The following CRYZ variants were observed in gnomAD, a reference collection of about 807,000 sequenced individuals.
The protein encoded by CRYZ is zeta-crystallin.
In CRYZ, 35 loss-of-function variants were observed where a neutral mutation model predicts 34.1. The observed-to-expected ratio is 1.03, with a 90% CI of 0.78 to 1.36. The LOEUF (loss-of-function observed/expected upper bound fraction) is 1.36. Among genes scored for constraint, CRYZ ranks in the 40% most tolerant of loss-of-function variants. The pLI, the probability that CRYZ is intolerant of heterozygous loss-of-function variation, is 0.00. For synonymous variants in CRYZ, 137 were observed against 136.5 expected (o/e 1.00, Z -0.03); for missense variants, 403 against 391.8 (o/e 1.03, Z -0.24).
At chr1:74,721,596 G>A (rs985833351) in intron 3 of CRYZ, among the ~76,000 whole-genome samples, 4 of 152,156 alleles carry the variant, frequency 2.6e-5, no homozygotes, top group Admixed American at 6.6e-5. Flanking sequence ...TTCAGGTCAG[G>A]GGTATAGTTA....
intron 1 of CRYZ, 60 bp from the exon 2 acceptor site, chr1:74,724,894 TC>T (rs1647258271): frequency 1.3e-5 from 13 of 1,014,300 alleles, no homozygotes; most frequent in Admixed American, 6.3e-5. Flanking sequence ...ACCATGTTTT[TC>T]CCCCCTGGAG....
chr1:74,710,837 C>T (rs1445272802), intron 5 of CRYZ, among the ~76,000 whole-genome samples: 3 of 151,946 alleles, frequency 2.0e-5, no homozygotes, highest in Non-Finnish European at 2.9e-5. Flanking sequence ...AACTTATATT[C>T]TAAGGGTGGA....
At chr1:74,727,108 A>G (rs1557734268) in intron 1 of CRYZ, among the ~76,000 whole-genome samples, 1 of 151,602 alleles carries the variant, frequency 6.6e-6, no homozygotes, top group African/African-American at 2.4e-5. Flanking sequence ...CTGTCTTCTG[A>G]GCCCTCCAAA....
intron 4 of CRYZ, among the ~76,000 whole-genome samples, chr1:74,717,603 T>A (rs1647095696): frequency 6.6e-6 from 1 of 152,204 alleles, no homozygotes; most frequent in South Asian, 2.1e-4. Context: ...CAAGTAATTC[T>A]TACCACACCC....
chr1:74,708,460 GT>G (rs1646959616), intron 6 of CRYZ: 1 of 152,098 alleles, frequency 6.6e-6, no homozygotes, highest in Admixed American at 6.6e-5. Flanking sequence ...AGATAAAAGG[GT>G]GTATTAGCTC....
Position 74,733,002 on chromosome 1 carries a change from C to T in CRYZ, c.-60G>A. 1 of 526,412 alleles carries T rather than the reference C, an allele frequency of 1.9e-6. No individual in the cohort carries two copies. 32.6% of individuals were successfully genotyped at this position (526,412 alleles called of 1,614,324 possible). ...AAATCTGCGTGGGCTTCTTCAGATT[C>T]CACAGAAATGAGGACTGCCACACCT... On this transcript the variant is annotated 5_prime_UTR_variant, in exon 1 of 9. Coordinates refer to ENST00000340866, the MANE Select transcript of CRYZ (RefSeq NM_001889.4).
intron 4 of CRYZ, among the ~76,000 whole-genome samples, chr1:74,717,894 T>C (rs1219338054): frequency 6.6e-6 from 1 of 152,202 alleles, no homozygotes; most frequent in African/African-American, 2.4e-5. Flanking sequence ...CTCACTCCAG[T>C]GTTCTCACTC....
intron 6 of CRYZ, chr1:74,707,446 G>A: frequency 3.8e-6 from 1 of 261,558 alleles, no homozygotes; most frequent in Non-Finnish European, 7.1e-6. Flanking sequence ...GTGAAATAAA[G>A]TTTGTCTGGA....
intron 3 of CRYZ, among the ~76,000 whole-genome samples, chr1:74,720,756 A>G (rs1647149074): frequency 6.6e-6 from 1 of 152,170 alleles, no homozygotes; most frequent in Non-Finnish European, 1.5e-5. Flanking sequence ...TGTTGAATTG[A>G]TTTCAATATA....
At position 74,710,178 on chromosome 1, in the gene CRYZ, C is replaced by T; in HGVS notation, c.550G>A (p.Glu184Lys). Residue 184 changes from glutamate to lysine, a missense_variant, in exon 6 of 9, where the codon GAA (glutamate) becomes AAA (lysine). By Grantham distance (56) the Glu-to-Lys change is moderately conservative. Transcript: ENST00000340866. ...LKILGTAGTEEGQKIVLQNGA... is the reference protein window; with the variant it reads ...LKILGTAGTEKGQKIVLQNGA... ...TTTTGCAAAACAATCTTTTGTCCTT[C>T]CTCAGTACCAGCAGTGCCCAAAATC... 1 of 1,613,898 alleles carries T rather than the reference C, an allele frequency of 6.2e-7. No individual in the cohort carries two copies. Among genetic ancestry groups the T allele is most frequent in the Non-Finnish European group, 8.5e-7 (1 of 1,179,842 alleles).
intron 1 of CRYZ, among the ~76,000 whole-genome samples, chr1:74,732,586 C>T (rs1431668719): frequency 2.3e-5 from 1 of 43,098 alleles, no homozygotes; most frequent in East Asian, 7.4e-4. Context: ...AAAAATCAAG[C>T]GGGTGACTGG....
chr1:74,715,823 G>A (rs1043015261), intron 4 of CRYZ, among the ~76,000 whole-genome samples: 5 of 152,032 alleles, frequency 3.3e-5, no homozygotes, highest in South Asian at 2.1e-4. Context: ...GCACAGAGTC[G>A]CTGTGACAGT....
rs1234662736 is a variant in CRYZ, at chr1:74,706,318, C to G, written c.968G>C (p.Gly323Ala). The change falls in exon 9 of 9, where the codon GGA becomes GCA. Residue 323 changes from glycine (G) to alanine (A), a missense_variant. Transcript: ENST00000340866. ...ENIIHGSGAT[G>A]KMILLL Reference sequence around the variant, plus strand: ...TCATCATAAGAGAAGAATCATTTTTCCAGTAGCCCCACTACCATGAATGAT... The same window carrying G: ...TCATCATAAGAGAAGAATCATTTTTGCAGTAGCCCCACTACCATGAATGAT... The G allele has an allele frequency of 5.6e-6, 9 of 1,603,444 alleles. No homozygotes were observed. Among genetic ancestry groups the G allele is most frequent in the African/African-American group, 5.4e-5 (4 of 74,184 alleles).
At chr1:74,713,379 AC>A (rs1426756814) in intron 5 of CRYZ, among the ~76,000 whole-genome samples, 1 of 152,100 alleles carries the variant, frequency 6.6e-6, no homozygotes, top group African/African-American at 2.4e-5. Flanking sequence ...TGTTTGACAG[AC>A]CCTTTAGTTA....
At chr1:74,713,217 G>A (rs1256472825) in intron 5 of CRYZ, among the ~76,000 whole-genome samples, 1 of 152,030 alleles carries the variant, frequency 6.6e-6, no homozygotes, top group Non-Finnish European at 1.5e-5. Flanking sequence ...AAAAAATCAT[G>A]GTGAAGCAAC....
chr1:74,706,623 G>A (rs1646933197), intron 8 of CRYZ, among the ~76,000 whole-genome samples, 166 bp from the exon 9 acceptor site: 1 of 152,100 alleles, frequency 6.6e-6, no homozygotes, highest in African/African-American at 2.4e-5. Flanking sequence ...GTTATCTACA[G>A]GGTAACCATA....
At chr1:74,709,010 T>C (rs1313905925) in intron 6 of CRYZ, among the ~76,000 whole-genome samples, 2 of 152,038 alleles carry the variant, frequency 1.3e-5, no homozygotes, top group Non-Finnish European at 2.9e-5. Context: ...GACTGTTAAT[T>C]AGGAGCTTCT....
rs1162360583 is a variant in CRYZ at position 74,714,589 on chromosome 1, G to A, written c.470C>T (p.Ala157Val). 6.2e-7 allele frequency: 1 copy of A among 1,613,322 alleles called. No homozygotes were observed. Among genetic ancestry groups the A allele is most frequent in the Non-Finnish European group, 8.5e-7 (1 of 1,179,608 alleles). The change falls in exon 5 of 9, where the codon GCA becomes GTA. Residue 157 changes from alanine to valine, a missense_variant. Coordinates refer to ENST00000340866, the MANE Select transcript of CRYZ (RefSeq NM_001889.4). Reference protein sequence around the residue: ...KAGESVLVHGASGGVGLAACQ... With the variant: ...KAGESVLVHGVSGGVGLAACQ... ...AAAAAAAATACTTACTCCTCCACTT[G>A]CCCCATGAACCAGAACACTCTCTCC...
intron 5 of CRYZ, 111 bp from the exon 6 acceptor site, chr1:74,710,358 C>A (rs980574648): frequency 2.6e-5 from 24 of 935,464 alleles, no homozygotes; most frequent in Non-Finnish European, 3.7e-5. Context: ...CTTTAAGGAA[C>A]TTAAGAGTGT....
Sources: allele counts gnomAD v4.1 joint callset (sites outside exome capture counted in the v4.1 genomes callset), GRCh38; gene constraint gnomAD v4.1.1; transcripts MANE v1.5; gene names NCBI Gene and HGNC (gene_info 2026-07-23, HGNC 2026-07-21).